Variants in C6orf118 observed in about 807,000 individuals in gnomAD.
C6orf118 encodes uncharacterized protein C6orf118.
C6orf118 carries 50 observed loss-of-function variants against 50.2 expected under a neutral mutation model. The observed-to-expected ratio is 1.00, with a 90% CI of 0.79 to 1.26. The LOEUF (loss-of-function observed/expected upper bound fraction) is 1.26, where lower values mean the gene tolerates loss of function less well. Among genes scored for constraint, C6orf118 ranks in the 50% most tolerant of loss-of-function variants. C6orf118 has a pLI of 0.00. For synonymous variants in C6orf118, 239 were observed against 230.9 expected, an observed-to-expected ratio of 1.03 and a Z score of -0.32; for missense variants, 641 against 578.7, an observed-to-expected ratio of 1.11 and a Z score of -1.10.
chr6:165,286,456 C>A (rs1299628048), intron 7 of C6orf118, among the ~76,000 whole-genome samples: 2 of 152,026 alleles, frequency 1.3e-5, no homozygotes, highest in Admixed American at 6.6e-5. Flanking sequence ...GGTACCAAAA[C>A]CTGGAAAAGA....
At chr6:165,281,243 C>G (rs1779720191) in intron 8 of C6orf118, among the ~76,000 whole-genome samples, 1 of 152,144 alleles carries the variant, frequency 6.6e-6, no homozygotes, top group African/African-American at 2.4e-5. Context: ...TCACCCTCAC[C>G]TCCAGCTTTA....
intron 6 of C6orf118, 188 bp downstream of exon 6, chr6:165,293,225 A>C (rs1780166064): frequency 1.7e-6 from 1 of 600,950 alleles, no homozygotes; most frequent in African/African-American, 1.8e-5. Flanking sequence ...ACAAACAGGC[A>C]GTCACCACCA....
chr6:165,293,483 G>A lies in C6orf118; in HGVS notation c.1062-12C>T. 2 of 1,607,936 alleles carry A rather than the reference G, an allele frequency of 1.2e-6. No individual in the cohort carries two copies. The highest frequency in any genetic ancestry group is 1.7e-6 in the Non-Finnish European group (2 of 1,175,618). ...GTTCACTTCTGAGTCTACAATGTGAGGATAAACAATAGGGAAATATTAGAT... is the reference window on the plus strand; with the variant it reads ...GTTCACTTCTGAGTCTACAATGTGAAGATAAACAATAGGGAAATATTAGAT... On this transcript the variant is annotated splice_polypyrimidine_tract_variant and intron_variant, in intron 5 of 8. Coordinates refer to ENST00000230301, the MANE Select transcript of C6orf118 (RefSeq NM_144980.4).
intron 2 of C6orf118, 88 bp from the exon 3 acceptor site, chr6:165,300,574 T>C: frequency 1.5e-6 from 2 of 1,329,108 alleles, no homozygotes; most frequent in South Asian, 1.5e-5. Flanking sequence ...AGGACACAGC[T>C]GCCATCACCC....
chr6:165,308,799 A>T (rs1780838338), intron 1 of C6orf118, among the ~76,000 whole-genome samples: 1 of 152,268 alleles, frequency 6.6e-6, no homozygotes, highest in East Asian at 1.9e-4. Flanking sequence ...TGCCTCCAAG[A>T]CCACGCTCTC....
At chr6:165,300,983 C>T (rs1259791357) in intron 2 of C6orf118, among the ~76,000 whole-genome samples, 1 of 152,124 alleles carries the variant, frequency 6.6e-6, no homozygotes, top group Non-Finnish European at 1.5e-5. Flanking sequence ...TCTGCCCTCA[C>T]GGTTCTTCCA....
intron 6 of C6orf118, among the ~76,000 whole-genome samples, chr6:165,290,914 C>A (rs551458311): frequency 6.6e-6 from 1 of 152,152 alleles, no homozygotes; most frequent in Non-Finnish European, 1.5e-5. Flanking sequence ...GGAAGCCTCA[C>A]AATCATGGCA....
At chr6:165,304,760 T>C (rs1780665214) in intron 1 of C6orf118, among the ~76,000 whole-genome samples, 1 of 90,788 alleles carries the variant, frequency 1.1e-5, no homozygotes, top group Non-Finnish European at 2.0e-5. Flanking sequence ...GAATCCAACT[T>C]ACAAGGGATG....
At chr6:165,308,389 G>T (rs961254403) in intron 1 of C6orf118, among the ~76,000 whole-genome samples, 1 of 152,142 alleles carries the variant, frequency 6.6e-6, no homozygotes, top group Non-Finnish European at 1.5e-5. Flanking sequence ...TTCCAGACTC[G>T]CTGGATCCCA....
intron 6 of C6orf118, among the ~76,000 whole-genome samples, chr6:165,292,502 C>T (rs1780140008): frequency 6.6e-6 from 1 of 152,112 alleles, no homozygotes; most frequent in African/African-American, 2.4e-5. Flanking sequence ...TAAAGTAAAG[C>T]CCTTAAGTTT....
chr6:165,281,089 A>G (rs891759886), intron 8 of C6orf118, among the ~76,000 whole-genome samples: 1 of 152,218 alleles, frequency 6.6e-6, no homozygotes, highest in Non-Finnish European at 1.5e-5. Flanking sequence ...CAAATGATAT[A>G]AATCAGCTAC....
rs2128164077 is a variant in C6orf118 at position 165,302,309 on chromosome 6, GA to G, written c.26-14del. ...CACTTCAGGTACACTGGTCAGAAAA[GA>G]AAAGGAGGCTCTTAGGGATCGCTCT... On this transcript the variant is annotated splice_polypyrimidine_tract_variant and intron_variant, in intron 1 of 8. Coordinates refer to ENST00000230301, the MANE Select transcript of C6orf118 (RefSeq NM_144980.4). 1.2e-6 allele frequency: 2 copies of G among 1,607,818 alleles called. No individual in the cohort carries two copies. The highest frequency in any genetic ancestry group is 1.7e-6 in the Non-Finnish European group (2 of 1,178,492).
chr6:165,283,567 T>A (rs1270222280), intron 7 of C6orf118, among the ~76,000 whole-genome samples: 1 of 152,154 alleles, frequency 6.6e-6, no homozygotes, highest in Admixed American at 6.5e-5. Flanking sequence ...AAAGCGTTTC[T>A]GTTGTAAACA....
chr6:165,280,363 A>G (rs1206187108), intron 8 of C6orf118, among the ~76,000 whole-genome samples: 1 of 152,228 alleles, frequency 6.6e-6, no homozygotes, highest in Admixed American at 6.5e-5. Flanking sequence ...TACCATGAAC[A>G]TAATGATATA....
chr6:165,291,202 G>A (rs115925550), intron 6 of C6orf118, among the ~76,000 whole-genome samples: 3,514 of 152,090 alleles, frequency 0.023, 134 homozygotes, highest in African/African-American at 0.08. Flanking sequence ...CCAGCATGAA[G>A]AGAAGTGAAC....
chr6:165,298,582 G>A (rs1780399344), intron 4 of C6orf118, among the ~76,000 whole-genome samples: 1 of 152,322 alleles, frequency 6.6e-6, no homozygotes, highest in South Asian at 2.1e-4. Flanking sequence ...GAGGCATCCA[G>A]GGCCCTGCTG....
At chr6:165,295,000 A>G (rs1176985589) in intron 5 of C6orf118, among the ~76,000 whole-genome samples, 1 of 152,206 alleles carries the variant, frequency 6.6e-6, no homozygotes, top group African/African-American at 2.4e-5. Context: ...TTATAGTTTT[A>G]AATATTACTT....
rs191989004 is a variant in C6orf118, at chr6:165,280,203, T to C, written c.1357-93A>G. 1.5e-4 allele frequency: 126 copies of C among 853,222 alleles called. 1 individual carries two copies. In the East Asian group the frequency reaches 2.5e-3, roughly 17 times the overall value. The allele number at this position is 853,222 out of a possible 1,614,324, so 52.9% of individuals were successfully genotyped here. On this transcript the variant is annotated intron_variant, in intron 8 of 8. Transcript: ENST00000230301. ...AAAATAAGCATCTATTTTAGACACA[T>C]TTACCCAAAAACAGACAAGATGAGA...
intron 7 of C6orf118, among the ~76,000 whole-genome samples, chr6:165,284,772 T>C (rs916722003): frequency 2.0e-5 from 3 of 152,042 alleles, no homozygotes; most frequent in Admixed American, 6.6e-5. Context: ...GACAAGAAAA[T>C]GCTGAGGGAA....
Sources: gnomAD v4.1 joint callset for allele counts (sites outside exome capture counted in the v4.1 genomes callset) on GRCh38, gnomAD v4.1.1 for gene constraint, MANE v1.5 for transcripts, NCBI Gene and HGNC (gene_info 2026-07-23, HGNC 2026-07-21) for gene names.